Variants in PCDHGA3 observed in about 807,000 individuals in gnomAD.
PCDHGA3 encodes protocadherin gamma subfamily A, 3.
In PCDHGA3, 40 loss-of-function variants were observed where a neutral mutation model predicts 58.5. That is an observed-to-expected ratio of 0.68 (90% CI 0.53 to 0.89). PCDHGA3 has a LOEUF of 0.89. Ranked by LOEUF, PCDHGA3 falls within the 40% of genes least tolerant of loss-of-function variation. The probability of loss-of-function intolerance (pLI) is 0.00; values close to 1 mark genes in which losing one functional copy is unlikely to be tolerated. For synonymous variants in PCDHGA3, 530 were observed against 525.7 expected (o/e 1.01, Z -0.11); for missense variants, 1,223 against 1,195.9 (o/e 1.02, Z -0.33).
At chr5:141,414,567 T>C in intron 1 of PCDHGA3, 1 of 1,613,962 alleles carries the variant, frequency 6.2e-7, no homozygotes, top group Non-Finnish European at 8.5e-7. Context: ...ACTTTACCTA[T>C]ATCCCAGAGA....
At chr5:141,437,999 C>T (rs1230507077) in intron 1 of PCDHGA3, among the ~76,000 whole-genome samples, 1 of 152,062 alleles carries the variant, frequency 6.6e-6, no homozygotes, top group African/African-American at 2.4e-5. Flanking sequence ...CCTCAGCCTC[C>T]CAAATAGCTG....
intron 1 of PCDHGA3, chr5:141,410,847 G>GTA: frequency 1.9e-5 from 3 of 158,244 alleles, no homozygotes; most frequent in East Asian, 1.3e-4. Flanking sequence ...TTTTGTCTTT[G>GTA]TCTTTTTTTT....
intron 1 of PCDHGA3, chr5:141,478,169 G>A (rs2099436111): frequency 1.2e-6 from 2 of 1,613,716 alleles, no homozygotes; most frequent in Admixed American, 1.7e-5. Flanking sequence ...TGCCCCCCGG[G>A]AGCAGAAAAA....
At position 141,490,742 on chromosome 5, in the gene PCDHGA3, C is replaced by A. The variant is rs1281337347; in HGVS notation, c.2425-4065C>A. 1.2e-6 allele frequency: 2 copies of A among 1,614,062 alleles called. No homozygotes were observed. Among genetic ancestry groups the A allele is most frequent in the Non-Finnish European group, 1.7e-6 (2 of 1,180,022 alleles). On this transcript the variant is annotated intron_variant, in intron 1 of 3. Coordinates refer to ENST00000253812, the MANE Select transcript of PCDHGA3 (RefSeq NM_018916.4). This position sits in a 1 kb window ranked among gnomAD's most constrained non-coding sequence, Gnocchi z 5.4. ...ATTGTAGGAAATCAGGTTCAGGGAGCCCCAGCCTCCTCCTTTGTGTATGTC... is the reference window on the plus strand; with the variant it reads ...ATTGTAGGAAATCAGGTTCAGGGAGACCCAGCCTCCTCCTTTGTGTATGTC...
chr5:141,403,581 T>C (rs2094427540), intron 1 of PCDHGA3: 8 of 1,613,936 alleles, frequency 5.0e-6, no homozygotes, highest in Non-Finnish European at 6.8e-6. Flanking sequence ...GCCCACCACC[T>C]GGTCCTCACG....
In PCDHGA3 at chr5:141,427,784, G is replaced by A. The variant is rs750188824; in HGVS notation, c.2425-67023G>A. 6.8e-6 allele frequency: 10 copies of A among 1,470,180 alleles called. No homozygotes were observed. The Admixed American group carries it at 1.3e-4, about 20-fold the overall frequency. 91.1% of individuals were successfully genotyped at this position (1,470,180 alleles called of 1,614,324 possible). Reference sequence around the variant, plus strand: ...CTGACTTGGAGCTGCGGGCACTGTCGTCCTACGTGTCCGTGAGCGCACAGA... The same window carrying A: ...CTGACTTGGAGCTGCGGGCACTGTCATCCTACGTGTCCGTGAGCGCACAGA... On this transcript the variant is annotated intron_variant, in intron 1 of 3. Coordinates refer to ENST00000253812, the MANE Select transcript of PCDHGA3 (RefSeq NM_018916.4).
At chr5:141,392,987 G>T in intron 1 of PCDHGA3, 1 of 1,613,930 alleles carries the variant, frequency 6.2e-7, no homozygotes. Context: ...ACCCCCGGAA[G>T]CTGGCGAAGC....
chr5:141,487,022 A>T lies in PCDHGA3; in HGVS notation c.2425-7785A>T. ...TCAGCTCCTGGAGGCCCCAGATCCC[A>T]GCCTGTTTGCAGTCTCTCGATATGC... On this transcript the variant is annotated intron_variant, in intron 1 of 3. Coordinates refer to ENST00000253812, the MANE Select transcript of PCDHGA3 (RefSeq NM_018916.4). The surrounding 1 kb of genome is among the most constrained non-coding windows in gnomAD (Gnocchi z 5.0). The T allele has an allele frequency of 1.2e-6, 2 of 1,614,212 alleles. No homozygotes were observed. Among genetic ancestry groups the T allele is most frequent in the Non-Finnish European group, 1.7e-6 (2 of 1,180,048 alleles).
intron 1 of PCDHGA3, chr5:141,415,094 A>T: frequency 1.9e-6 from 3 of 1,613,530 alleles, no homozygotes; most frequent in Non-Finnish European, 2.5e-6. Flanking sequence ...CTGGACAGAG[A>T]CGCGCTCAAG....
chr5:141,403,532 C>T (rs1313886103), intron 1 of PCDHGA3: 2 of 1,613,892 alleles, frequency 1.2e-6, no homozygotes, highest in African/African-American at 2.7e-5. Context: ...AAACCCAGAG[C>T]TGGTGCTGGA....
chr5:141,444,373 G>A (rs2098434682), intron 1 of PCDHGA3, among the ~76,000 whole-genome samples: 1 of 151,902 alleles, frequency 6.6e-6, no homozygotes, highest in South Asian at 2.1e-4. Context: ...GTTTCTCCAT[G>A]TTGGTCAGGC....
chr5:141,355,780 C>G (rs766045044), intron 1 of PCDHGA3: 22 of 1,613,712 alleles, frequency 1.4e-5, no homozygotes, highest in Non-Finnish European at 1.9e-5. Context: ...GTACCCAGAG[C>G]TGGTGCTGGA....
chr5:141,374,776 A>T (rs376190994), intron 1 of PCDHGA3: 2 of 1,613,844 alleles, frequency 1.2e-6, no homozygotes, highest in African/African-American at 1.3e-5. Flanking sequence ...TTCTGGTAAC[A>T]GTTCTAGATG....
chr5:141,473,763 G>A (rs1333191998), intron 1 of PCDHGA3, among the ~76,000 whole-genome samples: 1 of 152,204 alleles, frequency 6.6e-6, no homozygotes, highest in African/African-American at 2.4e-5. Context: ...ACTATGCAAA[G>A]GATTTGGTAT....
rs144585584 is a variant in PCDHGA3 at position 141,478,339 on chromosome 5, C to T, written c.2425-16468C>T. 998 of 1,613,918 alleles carry T rather than the reference C, an allele frequency of 6.2e-4. 16 individuals carry two copies. In the East Asian group the frequency reaches 0.019, roughly 31 times the overall value. Reference sequence around the variant, plus strand: ...CACTGTACCGAACACCAGGGCCCTCCTTGCACGCGGACGCCGTGCGGGGAG... The same window carrying T: ...CACTGTACCGAACACCAGGGCCCTCTTTGCACGCGGACGCCGTGCGGGGAG... On this transcript the variant is annotated intron_variant, in intron 1 of 3. Transcript: ENST00000253812.
chr5:141,345,250 C>A lies in PCDHGA3; in HGVS notation c.1217C>A (p.Thr406Lys). 1 of 1,613,950 alleles carries A rather than the reference C, an allele frequency of 6.2e-7. No individual in the cohort carries two copies. The highest frequency in any genetic ancestry group is 8.5e-7 in the Non-Finnish European group (1 of 1,179,896). The part of the protein sequence containing the change: ...KSIDQYYRLV[T>K]ATSLDREQIS... The stretch of plus-strand genomic sequence containing the variant: ...ATAGATCAATATTACCGCTTAGTGA[C>A]GGCCACATCCCTGGACCGCGAACAA... The change falls in exon 1 of 4, where the codon ACG (threonine) becomes AAG (lysine). Residue 406 changes from threonine (T) to lysine (K), a missense_variant. By Grantham distance (78) the Thr-to-Lys change is moderately conservative (BLOSUM62 -1). Transcript: ENST00000253812.
At position 141,489,062 on chromosome 5, in the gene PCDHGA3, C is replaced by G. The variant is rs1466124551; in HGVS notation, c.2425-5745C>G. Reference sequence around the variant, plus strand: ...GCTCCACTCAAATTCAGCTCCCCTCCCCCCTGCCCACCCCCGCCACTCGGT... The same window carrying G: ...GCTCCACTCAAATTCAGCTCCCCTCGCCCCTGCCCACCCCCGCCACTCGGT... On this transcript the variant is annotated intron_variant, in intron 1 of 3. Transcript: ENST00000253812. This position sits in a 1 kb window ranked among gnomAD's most constrained non-coding sequence, Gnocchi z 4.5. 5.3e-6 allele frequency: 2 copies of G among 378,914 alleles called. No homozygotes were observed. Among genetic ancestry groups the G allele is most frequent in the Non-Finnish European group, 9.5e-6 (2 of 209,830 alleles). 23.5% of individuals were successfully genotyped at this position (378,914 alleles called of 1,614,324 possible).
intron 1 of PCDHGA3, chr5:141,404,984 C>T (rs779919758): frequency 6.2e-7 from 1 of 1,614,034 alleles, no homozygotes; most frequent in African/African-American, 1.3e-5. Context: ...CCTGGGCAGT[C>T]TTCAGATCCC....
At chr5:141,436,181 T>C (rs1050736907) in intron 1 of PCDHGA3, among the ~76,000 whole-genome samples, 2 of 152,092 alleles carry the variant, frequency 1.3e-5, no homozygotes, top group African/African-American at 4.8e-5. Flanking sequence ...TCATATATAG[T>C]CAAATAGAAA....
Sources: allele counts gnomAD v4.1 joint callset (sites outside exome capture counted in the v4.1 genomes callset), GRCh38; gene constraint gnomAD v4.1.1; non-coding constraint Gnocchi (gnomAD v3.1); transcripts MANE v1.5; gene names NCBI Gene and HGNC (gene_info 2026-07-23, HGNC 2026-07-21).